PSMA8: variants seen among roughly 807,000 people sequenced by gnomAD.
The protein encoded by PSMA8 is proteasome subunit alpha-type 8.
Under a neutral mutation model 32.4 loss-of-function variants are expected in PSMA8, and 18 were observed. The observed-to-expected ratio is 0.56, with a 90% CI of 0.38 to 0.82. The LOEUF is 0.82. Among genes scored for constraint, PSMA8 ranks in the 40% least tolerant of loss-of-function variants. PSMA8 has a pLI of 0.00. For missense variants in PSMA8, 298 were observed against 300.7 expected, an observed-to-expected ratio of 0.99 and a Z score of 0.07; for synonymous variants, 104 against 98.1, an observed-to-expected ratio of 1.06 and a Z score of -0.36.
At chr18:26,134,121 G>C (rs371244583) in intron 1 of PSMA8, 54 bp downstream of exon 1, 6 of 1,326,006 alleles carry the variant, frequency 4.5e-6, no homozygotes, top group African/African-American at 2.9e-5. Context: ...TCAGGCCATC[G>C]TTACCCTGCT....
intron 6 of PSMA8, among the ~76,000 whole-genome samples, chr18:26,190,023 T>A (rs1377284316): frequency 6.6e-6 from 1 of 152,176 alleles, no homozygotes; most frequent in Non-Finnish European, 1.5e-5. Context: ...GAGATCATTA[T>A]GTTAAATAAG....
chr18:26,173,331 CATG>C (rs1201236009), intron 4 of PSMA8, among the ~76,000 whole-genome samples: 15 of 152,200 alleles, frequency 9.9e-5, no homozygotes, highest in Non-Finnish European at 1.8e-4. Context: ...CCAGAGCTTG[CATG>C]ATATCTGCAT....
chr18:26,140,151 CA>C (rs572952836), intron 1 of PSMA8: 7 of 702,970 alleles, frequency 1.0e-5, no homozygotes, highest in Non-Finnish European at 1.8e-5. Flanking sequence ...AAAAGTTCTT[CA>C]CCAGTTAGCC....
At chr18:26,171,415 T>A in intron 4 of PSMA8, 2 of 1,011,934 alleles carry the variant, frequency 2.0e-6, no homozygotes, top group Non-Finnish European at 2.9e-6. Context: ...GGCTTATTTT[T>A]AAATGAATTA....
chr18:26,156,344 A>G (rs2144302756), intron 3 of PSMA8, among the ~76,000 whole-genome samples: 1 of 152,308 alleles, frequency 6.6e-6, no homozygotes, highest in East Asian at 1.9e-4. Context: ...TATATCCAAG[A>G]GATGTATGCA....
chr18:26,157,005 G>A (rs185140050), intron 3 of PSMA8, among the ~76,000 whole-genome samples: 6 of 151,048 alleles, frequency 4.0e-5, no homozygotes, highest in Non-Finnish European at 7.4e-5. Flanking sequence ...GGCTGGTCAC[G>A]AACTGCTGGG....
intron 4 of PSMA8, among the ~76,000 whole-genome samples, chr18:26,163,213 G>GTGTGTA (rs1420987062): frequency 4.2e-4 from 34 of 80,874 alleles, no homozygotes; most frequent in African/African-American, 1.3e-3. Flanking sequence ...ATGTGTGTGT[G>GTGTGTA]TATATATATA....
intron 4 of PSMA8, among the ~76,000 whole-genome samples, chr18:26,168,413 A>C (rs2144325741): frequency 8.7e-6 from 1 of 114,872 alleles, no homozygotes; most frequent in Non-Finnish European, 1.6e-5. Context: ...TGTTGAGAAA[A>C]ACAGTGTATT....
chr18:26,142,462 A>G (rs555716330), intron 1 of PSMA8, among the ~76,000 whole-genome samples: 1 of 152,306 alleles, frequency 6.6e-6, no homozygotes, highest in African/African-American at 2.4e-5. Flanking sequence ...TCCTCTAAAA[A>G]AGAGGAGAGA....
intron 4 of PSMA8, 133 bp downstream of exon 4, chr18:26,158,377 C>A: frequency 4.2e-6 from 3 of 716,602 alleles, no homozygotes; most frequent in Non-Finnish European, 4.4e-6. Flanking sequence ...CTATTCAGCT[C>A]GTCAGAAACT....
At position 26,192,392 on chromosome 18, in the gene PSMA8, A is replaced by T. The variant is rs755822823; in HGVS notation, c.734A>T (p.Lys245Ile). The stretch of plus-strand genomic sequence containing the variant: ...GAAAAGGAAGAAGCAGAGAAGAAAA[A>T]ATCAAAGAAATCTGTCTAATTCTTA... ...EKEKEEAEKKKSKKSV is the reference protein window; with the variant it reads ...EKEKEEAEKKISKKSV The change falls in exon 7 of 7, where the codon AAA (lysine) becomes ATA (isoleucine). Residue 245 changes from lysine to isoleucine, a missense_variant. Transcript: ENST00000415576. 6.5e-7 allele frequency: 1 copy of T among 1,532,602 alleles called. No individual in the cohort carries two copies. Among genetic ancestry groups the T allele is most frequent in the Non-Finnish European group, 8.7e-7 (1 of 1,152,498 alleles). 94.9% of individuals were successfully genotyped at this position (1,532,602 alleles called of 1,614,324 possible).
At chr18:26,171,195 T>A in intron 4 of PSMA8, 1 of 1,559,466 alleles carries the variant, frequency 6.4e-7, no homozygotes, top group Non-Finnish European at 8.5e-7. Flanking sequence ...ATATCTGAAT[T>A]CATTCCTGAG....
chr18:26,147,210 CAA>C (rs57358976), intron 2 of PSMA8, among the ~76,000 whole-genome samples: 134 of 48,280 alleles, frequency 2.8e-3, no homozygotes, highest in African/African-American at 8.4e-3. Flanking sequence ...CACCCTGTCT[CAA>C]AAAAAAAAAA....
intron 1 of PSMA8, chr18:26,140,195 A>G: frequency 1.4e-6 from 1 of 701,220 alleles, no homozygotes. Context: ...CTGCCACTAG[A>G]GTCCTTTGGC....
At chr18:26,141,927 C>G (rs757705760) in intron 1 of PSMA8, among the ~76,000 whole-genome samples, 3 of 151,702 alleles carry the variant, frequency 2.0e-5, no homozygotes, top group Non-Finnish European at 4.4e-5. Context: ...ATCAAGTAAT[C>G]CTCCCACCTC....
intron 1 of PSMA8, among the ~76,000 whole-genome samples, chr18:26,142,331 A>G (rs915597016): frequency 6.6e-6 from 1 of 152,186 alleles, no homozygotes; most frequent in African/African-American, 2.4e-5. Context: ...ATATTTTTAT[A>G]CAGTGATATT....
At chr18:26,156,591 T>A (rs1179572779) in intron 3 of PSMA8, among the ~76,000 whole-genome samples, 1 of 151,404 alleles carries the variant, frequency 6.6e-6, no homozygotes, top group Non-Finnish European at 1.5e-5. Context: ...CTTATTCATA[T>A]GTGGACACTA....
chr18:26,156,703 AAATATATATAC>A lies in PSMA8; in HGVS notation c.355-1406_355-1396del, dbSNP rs1400304851. 2.8e-4 allele frequency among the ~76,000 whole-genome samples: 42 copies of A among 148,132 alleles called. No homozygotes were observed. The East Asian group carries it at 7.8e-3, about 27-fold the overall frequency. ...GTATATTTTATATATATTATATATAAAATATATATACAATATATATACAGTGTGTGTGCATA... is the reference window on the plus strand; with the variant it reads ...GTATATTTTATATATATTATATATAAAATATATATACAGTGTGTGTGCATA... On this transcript the variant is annotated intron_variant, in intron 3 of 6. Coordinates refer to ENST00000415576, the MANE Select transcript of PSMA8 (RefSeq NM_001025096.2).
chr18:26,185,801 G>T, intron 6 of PSMA8, among the ~76,000 whole-genome samples: 1 of 150,702 alleles, frequency 6.6e-6, no homozygotes, highest in Non-Finnish European at 1.5e-5. Context: ...TTTCAATTTT[G>T]TTTCTTTACA....
Sources: allele counts gnomAD v4.1 joint callset (sites outside exome capture counted in the v4.1 genomes callset), GRCh38; gene constraint gnomAD v4.1.1; transcripts MANE v1.5; gene names NCBI Gene and HGNC (gene_info 2026-07-23, HGNC 2026-07-21).